Variants in ATRNL1 observed in about 807,000 individuals in gnomAD.
ATRNL1 encodes the protein attractin-like protein 1.
Under a neutral mutation model 182.7 loss-of-function variants are expected in ATRNL1, and 95 were observed. That is an observed-to-expected ratio of 0.52 (90% CI 0.44 to 0.62). The LOEUF (loss-of-function observed/expected upper bound fraction) is 0.62. Among genes scored for constraint, ATRNL1 ranks in the 20% least tolerant of loss-of-function variants. ATRNL1 has a pLI of 0.00. For synonymous variants in ATRNL1, 576 were observed against 568.3 expected (o/e 1.01, Z -0.19); for missense variants, 1,471 against 1,679.5 (o/e 0.88, Z 2.17).
At chr10:115,937,814 G>A (rs1953607193) in intron 28 of ATRNL1, among the ~76,000 whole-genome samples, 1 of 152,196 alleles carries the variant, frequency 6.6e-6, no homozygotes, top group Non-Finnish European at 1.5e-5. Flanking sequence ...AAATACAGCA[G>A]TAAAAGAAGA....
chr10:115,203,088 T>C (rs1005463164), intron 8 of ATRNL1, among the ~76,000 whole-genome samples: 30 of 152,196 alleles, frequency 2.0e-4, no homozygotes, highest in African/African-American at 7.2e-4. Context: ...AATAAGAGAA[T>C]AGCTTGGTCA....
intron 26 of ATRNL1, among the ~76,000 whole-genome samples, chr10:115,664,406 A>G (rs567160967): frequency 6.6e-6 from 1 of 152,290 alleles, no homozygotes; most frequent in East Asian, 1.9e-4. Flanking sequence ...GTTTATAAGG[A>G]TATATGTAGG....
At chr10:115,834,835 A>G (rs1288594664) in intron 27 of ATRNL1, among the ~76,000 whole-genome samples, 1 of 152,176 alleles carries the variant, frequency 6.6e-6, no homozygotes, top group Non-Finnish European at 1.5e-5. Flanking sequence ...ATTTATCTTA[A>G]AAGGATTGAT....
At chr10:115,374,297 T>C (rs1342705196) in intron 19 of ATRNL1, among the ~76,000 whole-genome samples, 2 of 151,772 alleles carry the variant, frequency 1.3e-5, no homozygotes, top group Admixed American at 6.6e-5. Context: ...GAAAAAACTC[T>C]TAGTTTCATT....
chr10:115,198,427 T>C (rs544642978), intron 8 of ATRNL1, among the ~76,000 whole-genome samples: 1 of 152,172 alleles, frequency 6.6e-6, no homozygotes, highest in Non-Finnish European at 1.5e-5. Flanking sequence ...TTAACAGATA[T>C]ATCATTTGCA....
Position 115,146,912 on chromosome 10 carries a change from G to A in ATRNL1, c.830-13128G>A, listed in dbSNP as rs567579728. Among the ~76,000 whole-genome samples the A allele has an allele frequency of 6.7e-4, 101 of 151,380 alleles. 1 individual carries two copies. The highest frequency in any genetic ancestry group is 1.1e-3 in the Non-Finnish European group (75 of 67,874). ...AGGTTGATTCCGTATCTTTGCTACT[G>A]TAAATAGTGCTGCAGTAAATATGCA... On this transcript the variant is annotated intron_variant, in intron 5 of 28. Coordinates refer to ENST00000355044, the MANE Select transcript of ATRNL1 (RefSeq NM_207303.4).
At chr10:115,225,170 T>C (rs1442726746) in intron 9 of ATRNL1, among the ~76,000 whole-genome samples, 9 of 152,020 alleles carry the variant, frequency 5.9e-5, no homozygotes, top group African/African-American at 2.2e-4. Flanking sequence ...ATAATGTTAC[T>C]TAAAATTTAT....
chr10:115,201,623 G>T (rs1848582099), intron 8 of ATRNL1, among the ~76,000 whole-genome samples: 1 of 152,044 alleles, frequency 6.6e-6, no homozygotes, highest in East Asian at 1.9e-4. Flanking sequence ...ATGCTGTTTT[G>T]GTTACTGTAG....
chr10:115,604,535 A>T (rs1168367231), intron 26 of ATRNL1, among the ~76,000 whole-genome samples: 2 of 149,192 alleles, frequency 1.3e-5, no homozygotes, highest in Non-Finnish European at 2.9e-5. Flanking sequence ...TAAAAATTCA[A>T]AGAGATATTT....
chr10:115,508,489 G>A (rs928818454), intron 24 of ATRNL1, among the ~76,000 whole-genome samples: 2 of 152,020 alleles, frequency 1.3e-5, no homozygotes, highest in African/African-American at 4.8e-5. Context: ...CCTCTTGTCC[G>A]AAGAATTAGC....
chr10:115,223,927 ATAT>A (rs1182465309), intron 9 of ATRNL1, among the ~76,000 whole-genome samples: 1 of 38,178 alleles, frequency 2.6e-5, no homozygotes, highest in African/African-American at 9.6e-5. Flanking sequence ...ATATATATAT[ATAT>A]TTTTTTTTTT....
chr10:115,752,018 A>G (rs782426100), intron 27 of ATRNL1, among the ~76,000 whole-genome samples: 7 of 152,040 alleles, frequency 4.6e-5, no homozygotes, highest in Non-Finnish European at 7.4e-5. Flanking sequence ...ATGTATTACA[A>G]CTATGAAGTT....
intron 26 of ATRNL1, among the ~76,000 whole-genome samples, chr10:115,605,239 G>C (rs1231668060): frequency 2.0e-5 from 3 of 151,632 alleles, no homozygotes; most frequent in Admixed American, 2.0e-4. Context: ...ATCATCTTTT[G>C]TTCACGAGGA....
chr10:115,264,046 A>G (rs1851502376), intron 10 of ATRNL1, among the ~76,000 whole-genome samples: 1 of 151,432 alleles, frequency 6.6e-6, no homozygotes, highest in Admixed American at 6.6e-5. Context: ...ACAGGTCAAC[A>G]TATATTTTAT....
intron 17 of ATRNL1, 34 bp from the exon 18 acceptor site, chr10:115,315,484 T>G (rs782014603): frequency 1.6e-5 from 23 of 1,433,998 alleles, no homozygotes; most frequent in Non-Finnish European, 2.2e-5. Flanking sequence ...TATATAGTCA[T>G]GTTAACATAT....
chr10:115,618,516 T>G (rs969362360), intron 26 of ATRNL1, among the ~76,000 whole-genome samples: 4 of 152,120 alleles, frequency 2.6e-5, no homozygotes, highest in Non-Finnish European at 5.9e-5. Flanking sequence ...TTTACAATTT[T>G]TTTTTTCCTT....
At chr10:115,929,819 T>C (rs1555121162) in intron 28 of ATRNL1, among the ~76,000 whole-genome samples, 1 of 152,130 alleles carries the variant, frequency 6.6e-6, no homozygotes, top group Non-Finnish European at 1.5e-5. Context: ...CATATGTCAA[T>C]ATGTTAAAGA....
At chr10:115,676,839 AGACACTCACAGG>A (rs1945879182) in intron 26 of ATRNL1, among the ~76,000 whole-genome samples, 1 of 152,054 alleles carries the variant, frequency 6.6e-6, no homozygotes. Context: ...TGCTGAATGG[AGACACTCACAGG>A]AAACATCATG....
intron 19 of ATRNL1, among the ~76,000 whole-genome samples, chr10:115,350,617 C>T (rs1392270488): frequency 6.6e-6 from 1 of 151,808 alleles, no homozygotes; most frequent in Non-Finnish European, 1.5e-5. Flanking sequence ...CCTCTCTATT[C>T]TATTGGACTA....
Sources: allele counts gnomAD v4.1 joint callset (sites outside exome capture counted in the v4.1 genomes callset), GRCh38; gene constraint gnomAD v4.1.1; transcripts MANE v1.5; gene names NCBI Gene and HGNC (gene_info 2026-07-23, HGNC 2026-07-21).